The following C15orf40 variants were observed in gnomAD, a reference collection of about 807,000 sequenced individuals.
C15orf40 encodes UPF0235 protein C15orf40.
Under a neutral mutation model 13.9 loss-of-function variants are expected in C15orf40, and 9 were observed. The ratio of observed to expected loss-of-function variants is 0.65; its 90% CI spans 0.39 to 1.13. The LOEUF is 1.13. C15orf40 is among the 50% of genes most tolerant of loss of function. The pLI is 0.01. For missense variants in C15orf40, 225 were observed against 188.5 expected (o/e 1.19, Z -1.13); for synonymous variants, 95 against 69.2 (o/e 1.37, Z -1.85).
downstream of C15orf40, among the ~76,000 whole-genome samples, chr15:82,993,121 C>A (rs2151273260): frequency 6.6e-6 from 1 of 152,270 alleles, no homozygotes; most frequent in East Asian, 1.9e-4. Context: ...GTGAGAAAAT[C>A]ATGTAAACAC....
At position 82,996,656 on chromosome 15, in the gene C15orf40, AATAAAATAAAAT is replaced by A. The variant is rs1322726513; in HGVS notation, c.*8929_*8940del. On this transcript the variant is annotated 3_prime_UTR_variant, in exon 4 of 4. Transcript: ENST00000304177. ...AGACTCCGTCTCAAAATAAAATTAA[AATAAAATAAAAT>A]AATAAAATAAAATAAAAAATATAAA... 1.0e-5 allele frequency: 1 copy of A among 95,298 alleles called. No individual in the cohort carries two copies. Among genetic ancestry groups the A allele is most frequent in the Non-Finnish European group, 2.4e-5 (1 of 41,614 alleles). The allele number at this position is 95,298 out of a possible 1,614,324, so 5.9% of individuals were successfully genotyped here.
downstream of C15orf40, chr15:82,990,692 CTTGATCTGGTGGTG>C: frequency 6.7e-7 from 1 of 1,495,700 alleles, no homozygotes; most frequent in Non-Finnish European, 9.1e-7. Context: ...CAGTTTGTGT[CTTGATCTGGTGGTG>C]GTTGGGATAA....
intron 1 of C15orf40, 83 bp downstream of exon 1, chr15:83,011,412 TCA>T: frequency 1.4e-6 from 2 of 1,413,252 alleles, no homozygotes; most frequent in Non-Finnish European, 1.9e-6. Flanking sequence ...GTGCCTCCAC[TCA>T]CTCCCGGGCC....
At chr15:82,989,793 A>G (rs2030780402), downstream of C15orf40, 9 of 1,478,970 alleles carry the variant, frequency 6.1e-6, no homozygotes, top group Non-Finnish European at 8.2e-6. Flanking sequence ...GTGTATTAGA[A>G]TGAGAAACCA....
At chr15:82,989,139 G>A, downstream of C15orf40, 7 of 1,613,900 alleles carry the variant, frequency 4.3e-6, no homozygotes, top group Non-Finnish European at 5.9e-6. Context: ...TCCAATTGTT[G>A]AGGAATGGAA....
Position 83,004,799 on chromosome 15 carries a change from G to C in C15orf40, c.*798C>G, listed in dbSNP as rs536334033. On this transcript the variant is annotated 3_prime_UTR_variant, in exon 4 of 4. Transcript: ENST00000304177. ...GGTAAGACTACAAAGCAGCATAACA[G>C]GTTTTCTGTCACTTGTAAACTGGAT... The C allele has an allele frequency of 3.1e-4, 368 of 1,185,236 alleles. 1 individual carries two copies. Among genetic ancestry groups the C allele is most frequent in the Middle Eastern group, 2.8e-3 (12 of 4,244 alleles). 73.4% of individuals were successfully genotyped at this position (1,185,236 alleles called of 1,614,324 possible).
chr15:82,997,692 T>C lies in C15orf40; in HGVS notation c.*7905A>G, dbSNP rs922986128. ...TTCCACAAAGCCGCCATTGTCATCC[T>C]GGCCCGTTCTCAATGAGCTGTTGGG... is the stretch of plus-strand genomic sequence containing the variant. On this transcript the variant is annotated 3_prime_UTR_variant, in exon 4 of 4. Transcript: ENST00000304177. The C allele has an allele frequency of 4.5e-5, 9 of 198,694 alleles. No homozygotes were observed. The highest frequency in any genetic ancestry group is 7.2e-5 in the Non-Finnish European group (7 of 97,662). The allele number at this position is 198,694 out of a possible 1,614,324, so 12.3% of individuals were successfully genotyped here. A position where few individuals can be genotyped will look rare whatever the true frequency, so the allele number is the denominator to read the frequency against.
Position 82,997,874 on chromosome 15 carries a change from G to A in C15orf40, c.*7723C>T, listed in dbSNP as rs1284455066. ...TCCCTCCCGGACGGGGCGGCTGGCCGGGCAGAGGGGCTCCTCACTTCCCAG... is the reference window on the plus strand; with the variant it reads ...TCCCTCCCGGACGGGGCGGCTGGCCAGGCAGAGGGGCTCCTCACTTCCCAG... On this transcript the variant is annotated 3_prime_UTR_variant, in exon 4 of 4. Transcript: ENST00000304177. 1 of 112,718 alleles carries A rather than the reference G, an allele frequency of 8.9e-6. No homozygotes were observed. 7.0% of individuals were successfully genotyped at this position (112,718 alleles called of 1,614,324 possible).
rs1446172611 is a variant in C15orf40, at chr15:83,004,145, A to G, written c.*1452T>C. On this transcript the variant is annotated 3_prime_UTR_variant, in exon 4 of 4. Transcript: ENST00000304177. ...TATGTATATCTATCTATCTATAAAG[A>G]AAGAGACAGAGACAGATACAGGGTC... 1 of 154,370 alleles carries G rather than the reference A, an allele frequency of 6.5e-6. No individual in the cohort carries two copies. The highest frequency in any genetic ancestry group is 6.6e-5 in the Admixed American group (1 of 15,242). 9.6% of individuals were successfully genotyped at this position (154,370 alleles called of 1,614,324 possible). A position where few individuals can be genotyped will look rare whatever the true frequency, so the allele number is the denominator to read the frequency against.
At chr15:83,008,348 G>A (rs1443016166) in intron 3 of C15orf40, 200 bp downstream of exon 3, 56 of 489,586 alleles carry the variant, frequency 1.1e-4, no homozygotes, top group African/African-American at 2.0e-5. Context: ...GTGAAACTCC[G>A]TCTCTATTAA....
downstream of C15orf40, among the ~76,000 whole-genome samples, chr15:82,994,348 T>G (rs2030969499): frequency 1.1e-5 from 1 of 92,192 alleles, no homozygotes; most frequent in South Asian, 2.7e-4. Context: ...TTTTAAAAAT[T>G]TTATTTATTT....
downstream of C15orf40, chr15:82,990,727 C>G (rs2030822421): frequency 5.6e-6 from 7 of 1,258,988 alleles, no homozygotes; most frequent in Middle Eastern, 1.9e-4. Context: ...GGGTACACAT[C>G]ATTTTATACA....
chr15:83,008,161 C>T (rs1023458720), intron 3 of C15orf40: 3 of 208,530 alleles, frequency 1.4e-5, no homozygotes, highest in African/African-American at 7.2e-5. Context: ...CACTGCACTC[C>T]AGGCTGGACA....
At chr15:82,989,213 A>G (rs756964686), downstream of C15orf40, 3 of 1,607,744 alleles carry the variant, frequency 1.9e-6, no homozygotes, top group African/African-American at 4.0e-5. Context: ...GAATAAATGC[A>G]GATAGTTGAT....
At position 82,997,538 on chromosome 15, in the gene C15orf40, G is replaced by C. The variant is rs1290876455; in HGVS notation, c.*8059C>G. On this transcript the variant is annotated 3_prime_UTR_variant, in exon 4 of 4. Coordinates refer to ENST00000304177, the MANE Select transcript of C15orf40 (RefSeq NM_144597.3). ...TTGGGGGCAAGGTCACAGATCAACAGGATCCCAAGGCAGAGGAATTTTTCT... is the reference window on the plus strand; with the variant it reads ...TTGGGGGCAAGGTCACAGATCAACACGATCCCAAGGCAGAGGAATTTTTCT... 1 of 205,578 alleles carries C rather than the reference G, an allele frequency of 4.9e-6. No homozygotes were observed. The highest frequency in any genetic ancestry group is 9.7e-6 in the Non-Finnish European group (1 of 103,164). The allele number at this position is 205,578 out of a possible 1,614,324, so 12.7% of individuals were successfully genotyped here.
In C15orf40 at chr15:83,003,566, C is replaced by G. The variant is rs1051951918; in HGVS notation, c.*2031G>C. The G allele has an allele frequency of 6.6e-6, 1 of 152,232 alleles. No individual in the cohort carries two copies. Among genetic ancestry groups the G allele is most frequent in the East Asian group, 1.9e-4 (1 of 5,206 alleles). 9.4% of individuals were successfully genotyped at this position (152,232 alleles called of 1,614,324 possible). A position where few individuals can be genotyped will look rare whatever the true frequency, so the allele number is the denominator to read the frequency against. ...GAAAAGCTCTTAAGACCATGTAAAA[C>G]AGAAGCACATTTGCAGGCAGTATAT... On this transcript the variant is annotated 3_prime_UTR_variant, in exon 4 of 4. Transcript: ENST00000304177.
chr15:82,996,210 T>C lies in C15orf40; in HGVS notation c.*9387A>G, dbSNP rs986249701. On this transcript the variant is annotated 3_prime_UTR_variant, in exon 4 of 4. Transcript: ENST00000304177. ...TCTCATGGTTTTTTTCCACTGCTCGTGCCTTTAACTCCCTAAAGAATCTCC... is the reference window on the plus strand; with the variant it reads ...TCTCATGGTTTTTTTCCACTGCTCGCGCCTTTAACTCCCTAAAGAATCTCC... 1 of 152,226 alleles carries C rather than the reference T, an allele frequency of 6.6e-6. No individual in the cohort carries two copies. The highest frequency in any genetic ancestry group is 2.1e-4 in the South Asian group (1 of 4,832). 9.4% of individuals were successfully genotyped at this position (152,226 alleles called of 1,614,324 possible).
Position 83,011,560 on chromosome 15 carries a change from A to T in C15orf40, c.48T>A (p.Asn16Lys), listed in dbSNP as rs1406816688. 1 of 1,605,938 alleles carries T rather than the reference A, an allele frequency of 6.2e-7. No homozygotes were observed. The change falls in exon 1 of 4, where the codon AAT becomes AAA. Residue 16 changes from asparagine to lysine, a missense_variant. Asn to Lys is a moderately conservative substitution (Grantham distance 94). Coordinates refer to ENST00000304177, the MANE Select transcript of C15orf40 (RefSeq NM_144597.3). ...AAAGAAGCCGAGCGGAGCCCCGAGT[A>T]TTGGGTGTTGCCCGAAGGTGCCTCA... ...SGLRHLRATP[N>K]TRGSARLLCA...
rs546877438 is a variant in C15orf40 at position 83,001,424 on chromosome 15, G to T, written c.*4173C>A. 3 of 432,004 alleles carry T rather than the reference G, an allele frequency of 6.9e-6. No homozygotes were observed. Among genetic ancestry groups the T allele is most frequent in the East Asian group, 3.1e-4 (2 of 6,432 alleles). 26.8% of individuals were successfully genotyped at this position (432,004 alleles called of 1,614,324 possible). A position where few individuals can be genotyped will look rare whatever the true frequency, so the allele number is the denominator to read the frequency against. On this transcript the variant is annotated 3_prime_UTR_variant, in exon 4 of 4. Coordinates refer to ENST00000304177, the MANE Select transcript of C15orf40 (RefSeq NM_144597.3). ...ATGCAGTGCTAGAACATCATATGTC[G>T]GCATAGTTGGATAAATATTTTTCAA...
Sources: allele counts gnomAD v4.1 joint callset (sites outside exome capture counted in the v4.1 genomes callset), GRCh38; gene constraint gnomAD v4.1.1; transcripts MANE v1.5; gene names NCBI Gene and HGNC (gene_info 2026-07-23, HGNC 2026-07-21).